The following LAMB4 variants were observed in gnomAD, a reference collection of about 807,000 sequenced individuals.
The protein encoded by LAMB4 is laminin subunit beta 4.
LAMB4 carries 196 observed loss-of-function variants against 199.2 expected under a neutral mutation model. The observed-to-expected ratio is 0.98, with a 90% CI of 0.88 to 1.11. LAMB4 has a LOEUF of 1.11. Ranked by LOEUF, LAMB4 falls within the 50% of genes least tolerant of loss-of-function variation. The pLI is 0.00. For missense variants in LAMB4, 2,080 were observed against 2,171.2 expected (o/e 0.96, Z 0.83); for synonymous variants, 744 against 770.6 (o/e 0.97, Z 0.57).
Position 108,054,404 on chromosome 7 carries a change from T to A in LAMB4, c.3755+1228A>T, listed in dbSNP as rs534774512. Among the ~76,000 whole-genome samples, 27 of 152,196 alleles carry A rather than the reference T, an allele frequency of 1.8e-4. 1 individual carries two copies. Among genetic ancestry groups the A allele is most frequent in the Non-Finnish European group, 3.2e-4 (22 of 68,028 alleles). The stretch of plus-strand genomic sequence containing the variant: ...TCTTCCTTGTGCACCTTTTAAGCAA[T>A]TATCATATATTTCTGGGATATTTCC... On this transcript the variant is annotated intron_variant, in intron 25 of 33. Transcript: ENST00000388781.
Position 108,116,050 on chromosome 7 carries a change from C to A in LAMB4, c.146G>T (p.Cys49Phe). 1 of 1,614,096 alleles carries A rather than the reference C, an allele frequency of 6.2e-7. No homozygotes were observed. Among genetic ancestry groups the A allele is most frequent in the Admixed American group, 1.7e-5 (1 of 59,998 alleles). Residue 49 changes from cysteine (C) to phenylalanine (F), a missense_variant, in exon 3 of 34, where the codon TGT becomes TTT. Physicochemically the swap from Cys to Phe is radical, Grantham distance 205 (BLOSUM62 -2). Coordinates refer to ENST00000388781, the MANE Select transcript of LAMB4 (RefSeq NM_007356.3). ...RNTQLMASST[C>F]GLSRAQKYCI... is the part of the protein sequence containing the mutation. ...GTATTTCTGGGCTCTGCTCAGCCCACAGGTAGAAGAAGCCATAAGCTGCGT... is the reference window on the plus strand; with the variant it reads ...GTATTTCTGGGCTCTGCTCAGCCCAAAGGTAGAAGAAGCCATAAGCTGCGT...
intron 11 of LAMB4, among the ~76,000 whole-genome samples, chr7:108,096,369 G>A (rs139612700): frequency 6.6e-6 from 1 of 152,286 alleles, no homozygotes; most frequent in African/African-American, 2.4e-5. Flanking sequence ...AGATTCCATT[G>A]TATGTAAATA....
chr7:108,015,932 T>TA, the LAMB4 span, among the ~76,000 whole-genome samples: 9 of 152,044 alleles, frequency 5.9e-5, no homozygotes, highest in Admixed American at 4.6e-4. Context: ...TCGCTTTGTC[T>TA]TTTGTTTTCT....
At position 108,069,841 on chromosome 7, in the gene LAMB4, G is replaced by T; in HGVS notation, c.2169C>A (p.Ser723Arg). 6.2e-7 allele frequency: 1 copy of T among 1,613,534 alleles called. No individual in the cohort carries two copies. The stretch of plus-strand genomic sequence containing the variant: ...GCTGATACTCATCTAAGTCCTGCTT[G>T]CTGCAGAAATTCTCCAATGAATTGA... ...PQINSLENFC[S>R]KQDLDEYQLH... The change falls in exon 18 of 34, where the codon AGC (serine) becomes AGA (arginine). Residue 723 changes from serine to arginine, a missense_variant. Physicochemically the swap from Ser to Arg is moderately radical, Grantham distance 110. Transcript: ENST00000388781.
intron 14 of LAMB4, among the ~76,000 whole-genome samples, chr7:108,090,227 T>C (rs945277277): frequency 2.6e-5 from 4 of 152,232 alleles, no homozygotes; most frequent in Admixed American, 1.3e-4. Flanking sequence ...ATTTCATTTA[T>C]GAATGTGCAA....
intron 23 of LAMB4, among the ~76,000 whole-genome samples, chr7:108,059,060 T>C (rs1330395971): frequency 6.6e-6 from 1 of 151,432 alleles, no homozygotes; most frequent in East Asian, 1.9e-4. Context: ...ACCCAATTGT[T>C]GGGCAGTGCT....
At chr7:108,035,887 C>A (rs1028572678) in intron 30 of LAMB4, among the ~76,000 whole-genome samples, 12 of 148,084 alleles carry the variant, frequency 8.1e-5, no homozygotes, top group African/African-American at 3.0e-4. Flanking sequence ...GTGTCTCGCT[C>A]TTGTTGCCCA....
chr7:108,114,718 G>C (rs1338591565), intron 3 of LAMB4, among the ~76,000 whole-genome samples: 1 of 152,148 alleles, frequency 6.6e-6, no homozygotes, highest in African/African-American at 2.4e-5. Context: ...GAAAAGCCTG[G>C]ACCACTAACA....
intron 5 of LAMB4, 48 bp from the exon 6 acceptor site, chr7:108,107,867 A>C (rs2038081813): frequency 8.1e-7 from 1 of 1,237,570 alleles, no homozygotes; most frequent in Non-Finnish European, 1.1e-6. Flanking sequence ...GGCAGATTTT[A>C]TTATCAACTT....
intron 23 of LAMB4, among the ~76,000 whole-genome samples, chr7:108,059,750 C>T (rs952683207): frequency 6.6e-6 from 1 of 150,956 alleles, no homozygotes; most frequent in African/African-American, 2.5e-5. Context: ...TCAGATTTTT[C>T]TCACAAGAGC....
At chr7:108,065,684 GTCATGAATATATGA>G (rs1270455934) in intron 21 of LAMB4, 64 bp downstream of exon 21, 1 of 1,234,598 alleles carries the variant, frequency 8.1e-7, no homozygotes, top group African/African-American at 1.5e-5. Flanking sequence ...AGACAGATAA[GTCATGAATATATGA>G]TCATTTTACA....
intron 14 of LAMB4, among the ~76,000 whole-genome samples, chr7:108,083,086 A>G (rs1393394961): frequency 6.6e-6 from 1 of 152,248 alleles, no homozygotes; most frequent in African/African-American, 2.4e-5. Context: ...AAAAAGGAAC[A>G]TCGTCAATCC....
At chr7:108,072,294 A>G (rs2036559999) in intron 17 of LAMB4, among the ~76,000 whole-genome samples, 1 of 152,184 alleles carries the variant, frequency 6.6e-6, no homozygotes. Flanking sequence ...TATGTGAGCC[A>G]TCTTCCTACT....
At chr7:108,049,913 TATAAG>T (rs1563047237) in intron 26 of LAMB4, among the ~76,000 whole-genome samples, 4 of 152,246 alleles carry the variant, frequency 2.6e-5, no homozygotes. Flanking sequence ...TTTCCACAAA[TATAAG>T]ATATTAACTA....
chr7:108,047,894 G>C lies in LAMB4; in HGVS notation c.4326+14C>G, dbSNP rs759933307. On this transcript the variant is annotated intron_variant, in intron 28 of 33. Coordinates refer to ENST00000388781, the MANE Select transcript of LAMB4 (RefSeq NM_007356.3). The stretch of plus-strand genomic sequence containing the variant: ...TGCTATAACTTTACAAATAAAGCAA[G>C]AGAAGATATTTACCTGATTTTTCAA... 6.2e-7 allele frequency: 1 copy of C among 1,600,752 alleles called. No homozygotes were observed. The highest frequency in any genetic ancestry group is 2.2e-5 in the East Asian group (1 of 44,808).
At chr7:108,062,214 A>T (rs2036187390) in intron 23 of LAMB4, among the ~76,000 whole-genome samples, 1 of 152,212 alleles carries the variant, frequency 6.6e-6, no homozygotes, top group Admixed American at 6.5e-5. Flanking sequence ...TCACACGTGC[A>T]TCTATCTATG....
intron 14 of LAMB4, among the ~76,000 whole-genome samples, chr7:108,088,308 G>A (rs529118761): frequency 4.6e-5 from 7 of 152,138 alleles, no homozygotes; most frequent in Admixed American, 2.6e-4. Context: ...GACTACAGGC[G>A]TGTGCCACCA....
rs2035639541 is a variant in LAMB4 at position 108,046,733 on chromosome 7, TG to T, written c.4326+1174del. On this transcript the variant is annotated intron_variant, in intron 28 of 33. Coordinates refer to ENST00000388781, the MANE Select transcript of LAMB4 (RefSeq NM_007356.3). The stretch of plus-strand genomic sequence containing the variant: ...CTTTCTCAGTCTATCAACAGGGGAA[TG>T]AGTTCAAGGTATGGTTTAATTCCTA... 2.0e-5 allele frequency among the ~76,000 whole-genome samples: 3 copies of T among 152,074 alleles called. 1 individual carries two copies. In the South Asian group the frequency reaches 6.2e-4, roughly 31 times the overall value.
chr7:108,121,308 T>C (rs1320109449), intron 2 of LAMB4, among the ~76,000 whole-genome samples: 1 of 152,238 alleles, frequency 6.6e-6, no homozygotes, highest in Non-Finnish European at 1.5e-5. Context: ...TTACTGTTAC[T>C]ATATAATTTC....
Sources: gnomAD v4.1 joint callset for allele counts (sites outside exome capture counted in the v4.1 genomes callset) on GRCh38, gnomAD v4.1.1 for gene constraint, MANE v1.5 for transcripts, NCBI Gene and HGNC (gene_info 2026-07-23, HGNC 2026-07-21) for gene names.